PKD1: variants seen among roughly 807,000 people sequenced by gnomAD.
PKD1 encodes polycystin 1, transient receptor potential channel interacting.
Under a neutral mutation model 361.7 loss-of-function variants are expected in PKD1, and 81 were observed. The ratio of observed to expected loss-of-function variants is 0.22; its 90% CI spans 0.19 to 0.27. PKD1 has a LOEUF of 0.27. Among genes scored for constraint, PKD1 ranks in the 10% least tolerant of loss-of-function variants. The pLI is 1.00. For missense variants in PKD1, 6,399 were observed against 6,118.3 expected, an observed-to-expected ratio of 1.05 and a Z score of -1.53; for synonymous variants, 3,615 against 2,818.3, an observed-to-expected ratio of 1.28 and a Z score of -8.95.
In PKD1 at chr16:2,116,004, G is replaced by A; in HGVS notation, c.1837C>T (p.Leu613Phe). 1.3e-6 allele frequency: 2 copies of A among 1,543,358 alleles called. No homozygotes were observed. Among genetic ancestry groups the A allele is most frequent in the Non-Finnish European group, 1.8e-6 (2 of 1,142,648 alleles). ...CCCAGAGTCCCACCTGCTGTGCTGA[G>A]GAGCCGGTACACCTGCAGCCGCAGC... ...AQLRLQVYRL[L>F]STAGTPENGS... Residue 613 changes from leucine to phenylalanine, a missense_variant, in exon 9 of 46, where the codon CTC becomes TTC. Transcript: ENST00000262304.
chr16:2,131,036 C>T (rs1266699669), intron 1 of PKD1, among the ~76,000 whole-genome samples: 2 of 152,214 alleles, frequency 1.3e-5, no homozygotes, highest in African/African-American at 4.8e-5. Flanking sequence ...ACCTCTGGGA[C>T]AATGGGATGT....
rs548010172 is a variant in PKD1 at position 2,128,862 on chromosome 16, G to A, written c.215+6613C>T. On this transcript the variant is annotated intron_variant, in intron 1 of 45. Coordinates refer to ENST00000262304, the MANE Select transcript of PKD1 (RefSeq NM_001009944.3). The stretch of plus-strand genomic sequence containing the variant: ...TGAGACTACAGGCATGCGCCACCAC[G>A]CTCAGCATTTTTTTTTTTTGAGACA... Among the ~76,000 whole-genome samples, 9 of 151,576 alleles carry A rather than the reference G, an allele frequency of 5.9e-5. No individual in the cohort carries two copies. In the East Asian group the frequency reaches 1.4e-3, roughly 23 times the overall value.
chr16:2,110,365 A>T lies in PKD1; in HGVS notation c.4802T>A (p.Phe1601Tyr), dbSNP rs773280540. The T allele has an allele frequency of 6.2e-7, 1 of 1,612,576 alleles. No individual in the cohort carries two copies. The highest frequency in any genetic ancestry group is 8.5e-7 in the Non-Finnish European group (1 of 1,179,832). The change falls in exon 15 of 46, where the codon TTC becomes TAC. Residue 1601 changes from phenylalanine (F) to tyrosine (Y), a missense_variant. Coordinates refer to ENST00000262304, the MANE Select transcript of PKD1 (RefSeq NM_001009944.3). ...IPGGPTISYT[F>Y]RSVGTFNIIV... ...GATATTGAAGGTGCCCACGGAGCGG[A>T]AGGTGTAAGAGATGGTAGGACCCCC...
Position 2,118,085 on chromosome 16 carries a change from T to G in PKD1, c.907A>C (p.Thr303Pro). Residue 303 changes from threonine (T) to proline (P), a missense_variant, in exon 5 of 46, where the codon ACA becomes CCA. By Grantham distance (38) the Thr-to-Pro change is conservative. Transcript: ENST00000262304. This position sits in a 1 kb window ranked among gnomAD's most constrained non-coding sequence, Gnocchi z 6.0. ...GAGCCGTCTCCGAAGTCCCAGCGTG[T>G]GGCAGTGACAGGGAGCGGGGCAGCG... is the stretch of plus-strand genomic sequence containing the variant. ...HIAAPLPVTA[T>P]RWDFGDGSAE... The G allele has an allele frequency of 6.2e-7, 1 of 1,607,130 alleles. No homozygotes were observed. The highest frequency in any genetic ancestry group is 8.5e-7 in the Non-Finnish European group (1 of 1,179,164).
chr16:2,112,985 A>G (rs2092558385), intron 12 of PKD1, 22 bp from the exon 13 acceptor site: 1 of 1,593,668 alleles, frequency 6.3e-7, no homozygotes, highest in African/African-American at 1.3e-5. Context: ...GGCGTCAGTG[A>G]GCCCAGGTGG....
rs781239272 is a variant in PKD1 at position 2,109,793 on chromosome 16, C to T, written c.5374G>A (p.Ala1792Thr). 14 of 1,609,944 alleles carry T rather than the reference C, an allele frequency of 8.7e-6. No individual in the cohort carries two copies. Among genetic ancestry groups the T allele is most frequent in the East Asian group, 2.2e-5 (1 of 44,874 alleles). ...TAGNPLGSANATVEVDVQVPV... is the reference protein window; with the variant it reads ...TAGNPLGSANTTVEVDVQVPV... ...ACCTGCACATCCACTTCCACGGTGGCGTTGGCTGAGCCCAGCGGGTTCCCT... is the reference window on the plus strand; with the variant it reads ...ACCTGCACATCCACTTCCACGGTGGTGTTGGCTGAGCCCAGCGGGTTCCCT... The change falls in exon 15 of 46, where the codon GCC (alanine) becomes ACC (threonine). Residue 1792 changes from alanine to threonine, a missense_variant. Coordinates refer to ENST00000262304, the MANE Select transcript of PKD1 (RefSeq NM_001009944.3).
At chr16:2,107,233 G>C (rs996030436) in intron 16 of PKD1, 2 of 504,696 alleles carry the variant, frequency 4.0e-6, no homozygotes, top group Non-Finnish European at 7.3e-6. Context: ...CCCCTGGGGG[G>C]ATGCGTGTGA....
At chr16:2,128,886 CAG>C (rs1330362766) in intron 1 of PKD1, among the ~76,000 whole-genome samples, 5 of 151,386 alleles carry the variant, frequency 3.3e-5, no homozygotes, top group African/African-American at 1.2e-4. Flanking sequence ...TTTTTTGAGA[CAG>C]AGTCTCGCTC....
Position 2,097,132 on chromosome 16 carries a change from A to T in PKD1, c.10499+16T>A, listed in dbSNP as rs1230862218. ...TCCTCTGGCAATCCCCCCTCCCCCG[A>T]GAGCCGGACACTCACAGGCTGCTGA... On this transcript the variant is annotated intron_variant, in intron 34 of 45. Transcript: ENST00000262304. The T allele has an allele frequency of 1.5e-6, 2 of 1,320,070 alleles. No individual in the cohort carries two copies. The highest frequency in any genetic ancestry group is 2.0e-6 in the Non-Finnish European group (2 of 1,002,560). The allele number at this position is 1,320,070 out of a possible 1,614,324, so 81.8% of individuals were successfully genotyped here.
chr16:2,134,877 AC>A (rs2092931938), intron 1 of PKD1, among the ~76,000 whole-genome samples: 1 of 146,804 alleles, frequency 6.8e-6, no homozygotes, highest in Non-Finnish European at 1.5e-5. Context: ...TAGCCTTGGA[AC>A]CCAATAGCAG....
intron 1 of PKD1, among the ~76,000 whole-genome samples, chr16:2,130,209 G>A (rs190271949): frequency 6.6e-6 from 1 of 152,194 alleles, no homozygotes; most frequent in African/African-American, 2.4e-5. Context: ...CAGGGACCCC[G>A]GGTGAGGCCA....
chr16:2,126,451 G>A (rs1596614049), intron 1 of PKD1, among the ~76,000 whole-genome samples: 1 of 152,284 alleles, frequency 6.6e-6, no homozygotes, highest in African/African-American at 2.4e-5. Context: ...CTCAGCCCCA[G>A]ATGTAGCCCT....
Position 2,089,690 on chromosome 16 carries a change from C to G in PKD1, c.*37G>C, listed in dbSNP as rs562017501. On this transcript the variant is annotated 3_prime_UTR_variant, in exon 46 of 46. Coordinates refer to ENST00000262304, the MANE Select transcript of PKD1 (RefSeq NM_001009944.3). ...AGAAAGTAATACTGAGCGGTGTCCA[C>G]TCCGACTCCACGGCCCACCCCCGCC... The G allele has an allele frequency of 8.0e-5, 124 of 1,552,356 alleles. No individual in the cohort carries two copies. The Admixed American group carries it at 1.2e-3, about 15-fold the overall frequency.
At chr16:2,120,989 C>T (rs2092711321) in intron 1 of PKD1, among the ~76,000 whole-genome samples, 1 of 151,070 alleles carries the variant, frequency 6.6e-6, no homozygotes, top group Non-Finnish European at 1.5e-5. Context: ...TGCAATCCAG[C>T]CTGGTGACAG....
chr16:2,100,623 T>C lies in PKD1; in HGVS notation c.9398-57A>G. On this transcript the variant is annotated intron_variant, in intron 26 of 45. Transcript: ENST00000262304. This position sits in a 1 kb window ranked among gnomAD's most constrained non-coding sequence, Gnocchi z 4.4. ...GGTCTGCTGCCCAACACGTGTGGCATCCCAGGCAAGTCATCTCAGCTTTGG... is the reference window on the plus strand; with the variant it reads ...GGTCTGCTGCCCAACACGTGTGGCACCCCAGGCAAGTCATCTCAGCTTTGG... 1.4e-6 allele frequency: 2 copies of C among 1,475,658 alleles called. No individual in the cohort carries two copies. The allele number at this position is 1,475,658 out of a possible 1,614,324, so 91.4% of individuals were successfully genotyped here. A position where few individuals can be genotyped will look rare whatever the true frequency, so the allele number is the denominator to read the frequency against.
rs56279647 is a variant in PKD1 at position 2,088,881 on chromosome 16, GCACACACA to G, written c.*838_*845del. On this transcript the variant is annotated 3_prime_UTR_variant, in exon 46 of 46. Coordinates refer to ENST00000262304, the MANE Select transcript of PKD1 (RefSeq NM_001009944.3). ...ACAGCACACTCGCGCGTGCGCGCGC[GCACACACA>G]CACACACACAGTCACCTTCCTCCAC... 1.5e-4 allele frequency: 65 copies of G among 421,474 alleles called. 1 individual carries two copies. Among genetic ancestry groups the G allele is most frequent in the East Asian group, 1.2e-3 (28 of 23,830 alleles). The allele number at this position is 421,474 out of a possible 1,614,324, so 26.1% of individuals were successfully genotyped here.
Position 2,090,662 on chromosome 16 carries a change from GCA to G in PKD1, c.12138+10_12138+11del. 2 of 1,611,494 alleles carry G rather than the reference GCA, an allele frequency of 1.2e-6. No homozygotes were observed. The highest frequency in any genetic ancestry group is 1.7e-6 in the Non-Finnish European group (2 of 1,179,814). On this transcript the variant is annotated intron_variant, in intron 44 of 45. Transcript: ENST00000262304. ...GAGCTAAGACGCCCTCCCCGGCCGC[GCA>G]GTCACCTACCAGGATGGCCAGCTGG... is the stretch of plus-strand genomic sequence containing the variant.
chr16:2,100,093 A>G lies in PKD1; in HGVS notation c.9713-22T>C, dbSNP rs1285791499. 2.5e-6 allele frequency: 4 copies of G among 1,604,280 alleles called. No individual in the cohort carries two copies. Among genetic ancestry groups the G allele is most frequent in the Non-Finnish European group, 2.6e-6 (3 of 1,176,294 alleles). Reference sequence around the variant, plus strand: ...TCGCCTAGAAGGCAGGGAGGGCCGCACTGCAGGAGGCCACGGGGCAGGACC... The same window carrying G: ...TCGCCTAGAAGGCAGGGAGGGCCGCGCTGCAGGAGGCCACGGGGCAGGACC... On this transcript the variant is annotated intron_variant, in intron 28 of 45. Transcript: ENST00000262304. The surrounding 1 kb of genome is among the most constrained non-coding windows in gnomAD (Gnocchi z 4.4).
rs544427622 is a variant in PKD1 at position 2,108,806 on chromosome 16, G to A, written c.6361C>T (p.Arg2121Cys). Residue 2121 changes from arginine to cysteine, a missense_variant, in exon 15 of 46, where the codon CGC becomes TGC. By Grantham distance (180) the Arg-to-Cys change is radical. Coordinates refer to ENST00000262304, the MANE Select transcript of PKD1 (RefSeq NM_001009944.3). ...AGGTTGGAGGCGTTCACCTGCACGC[G>A]GTAGTCCCCAGGCCTCAGGTAGGAG... is the stretch of plus-strand genomic sequence containing the variant. Reference protein sequence around the residue: ...EHSYLRPGDYRVQVNASNLVS... With the variant: ...EHSYLRPGDYCVQVNASNLVS... 24 of 1,568,476 alleles carry A rather than the reference G, an allele frequency of 1.5e-5. No homozygotes were observed. The highest frequency in any genetic ancestry group is 8.1e-5 in the African/African-American group (6 of 73,850).
Sources: allele counts gnomAD v4.1 joint callset (sites outside exome capture counted in the v4.1 genomes callset), GRCh38; gene constraint gnomAD v4.1.1; non-coding constraint Gnocchi (gnomAD v3.1); transcripts MANE v1.5; gene names NCBI Gene and HGNC (gene_info 2026-07-23, HGNC 2026-07-21).